Variants in DOCK2 observed in about 807,000 individuals in gnomAD.
DOCK2 encodes the protein dedicator of cytokinesis 2.
DOCK2 carries 87 observed loss-of-function variants against 248.9 expected under a neutral mutation model. The observed-to-expected ratio is 0.35, with a 90% CI of 0.29 to 0.42. DOCK2 has a LOEUF of 0.42. Ranked by LOEUF, DOCK2 falls within the 10% of genes least tolerant of loss-of-function variation. DOCK2 has a pLI of 1.00. For synonymous variants in DOCK2, 805 were observed against 821.6 expected (o/e 0.98, Z 0.35); for missense variants, 1,747 against 2,300.2 (o/e 0.76, Z 4.92).
At chr5:169,745,712 A>G (rs1763574090) in intron 22 of DOCK2, among the ~76,000 whole-genome samples, 1 of 152,200 alleles carries the variant, frequency 6.6e-6, no homozygotes, top group South Asian at 2.1e-4. Context: ...GAGTGATTTC[A>G]CAGGCATCCA....
intron 27 of DOCK2, among the ~76,000 whole-genome samples, chr5:169,943,419 CTT>C (rs1271726614): frequency 6.6e-6 from 1 of 152,020 alleles, no homozygotes; most frequent in Admixed American, 6.6e-5. Context: ...ATGGCCCAGA[CTT>C]TTAAAAAATG....
intron 22 of DOCK2, among the ~76,000 whole-genome samples, chr5:169,729,777 G>A (rs1287363882): frequency 6.6e-6 from 1 of 152,112 alleles, no homozygotes; most frequent in East Asian, 1.9e-4. Context: ...AGGGTGGGGG[G>A]TAGCAGAGTG....
chr5:169,869,930 G>A (rs1771846338), intron 27 of DOCK2, among the ~76,000 whole-genome samples: 1 of 152,210 alleles, frequency 6.6e-6, no homozygotes, highest in East Asian at 1.9e-4. Flanking sequence ...TAAGAAGGAA[G>A]ATAGGTGCAG....
intron 27 of DOCK2, among the ~76,000 whole-genome samples, chr5:169,961,720 G>T (rs989592709): frequency 2.0e-5 from 3 of 152,086 alleles, no homozygotes; most frequent in Non-Finnish European, 2.9e-5. Context: ...GCTCACGCCC[G>T]TAATCCCAGC....
In DOCK2 at chr5:169,840,728, T is replaced by C. The variant is rs1405754721; in HGVS notation, c.2704-29T>C. ...TTGTTCAGATGCAGTGTCCTGGTTG[T>C]CACATAGATGTCTCTGACTGTTTTA... is the stretch of plus-strand genomic sequence containing the variant. On this transcript the variant is annotated intron_variant, in intron 26 of 51. Transcript: ENST00000520908. 1.9e-6 allele frequency: 3 copies of C among 1,607,134 alleles called. 1 individual carries two copies. The highest frequency in any genetic ancestry group is 2.2e-5 in the South Asian group (2 of 90,698).
In DOCK2 at chr5:169,802,976, A is replaced by G. The variant is rs1361585446; in HGVS notation, c.2555-82A>G. The G allele has an allele frequency of 5.4e-6, 8 of 1,476,054 alleles. No homozygotes were observed. In the African/African-American group the frequency reaches 1.1e-4, roughly 21 times the overall value. The allele number at this position is 1,476,054 out of a possible 1,614,324, so 91.4% of individuals were successfully genotyped here. On this transcript the variant is annotated intron_variant, in intron 25 of 51. Transcript: ENST00000520908. ...AATGTCTTCATGAACTATTTATTTA[A>G]TGAAACATTGTATGCATATATGAAA...
intron 27 of DOCK2, among the ~76,000 whole-genome samples, chr5:169,913,948 A>G (rs1459234956): frequency 6.6e-6 from 1 of 152,238 alleles, no homozygotes; most frequent in Non-Finnish European, 1.5e-5. Flanking sequence ...CCATTTCTAC[A>G]GATGAAGAAA....
At chr5:169,888,093 G>A (rs1359062001) in intron 27 of DOCK2, among the ~76,000 whole-genome samples, 4 of 152,306 alleles carry the variant, frequency 2.6e-5, no homozygotes, top group East Asian at 1.9e-4. Context: ...GGAAACTCTC[G>A]TATTTTTAGA....
intron 23 of DOCK2, among the ~76,000 whole-genome samples, chr5:169,748,870 C>T (rs1420402403): frequency 1.3e-5 from 2 of 152,192 alleles, no homozygotes; most frequent in African/African-American, 2.4e-5. Flanking sequence ...TACTTTATTT[C>T]ACCCTCTCAA....
At position 170,027,915 on chromosome 5, in the gene DOCK2, G is replaced by A; in HGVS notation, c.3434G>A (p.Gly1145Asp). The A allele has an allele frequency of 6.2e-7, 1 of 1,613,628 alleles. No individual in the cohort carries two copies. The highest frequency in any genetic ancestry group is 8.5e-7 in the Non-Finnish European group (1 of 1,179,650). Reference sequence around the variant, plus strand: ...GACCACGAGGTAGAAGGGGGCCGAGGCGACGAGCAGTACATGCAGCTCCTG... The same window carrying A: ...GACCACGAGGTAGAAGGGGGCCGAGACGACGAGCAGTACATGCAGCTCCTG... ...KLDHEVEGGRGDEQYMQLLES... is the reference protein window; with the variant it reads ...KLDHEVEGGRDDEQYMQLLES... Residue 1145 changes from glycine (G) to aspartate (D), a missense_variant, in exon 34 of 52, where the codon GGC becomes GAC. Coordinates refer to ENST00000520908, the MANE Select transcript of DOCK2 (RefSeq NM_004946.3).
chr5:169,746,324 G>A (rs1186222169), intron 22 of DOCK2, among the ~76,000 whole-genome samples: 1 of 152,188 alleles, frequency 6.6e-6, no homozygotes, highest in African/African-American at 2.4e-5. Context: ...AGAAGGGTGA[G>A]GGGAAGGATG....
chr5:169,640,654 G>A (rs1018141500), intron 1 of DOCK2, among the ~76,000 whole-genome samples: 6 of 152,170 alleles, frequency 3.9e-5, no homozygotes, highest in African/African-American at 1.2e-4. Flanking sequence ...AATATATGGG[G>A]AATCTAATGG....
chr5:169,995,739 G>A (rs578171048), intron 29 of DOCK2, among the ~76,000 whole-genome samples: 67 of 152,328 alleles, frequency 4.4e-4, no homozygotes, highest in African/African-American at 1.6e-3. Flanking sequence ...GTGATACGAT[G>A]TGGTAGCAGG....
chr5:169,838,206 C>T (rs571977688), intron 26 of DOCK2, among the ~76,000 whole-genome samples: 4 of 152,282 alleles, frequency 2.6e-5, no homozygotes, highest in South Asian at 4.1e-4. Flanking sequence ...TGAAACCCCC[C>T]AAGCAGCCAC....
intron 25 of DOCK2, among the ~76,000 whole-genome samples, chr5:169,770,427 T>G (rs1765021843): frequency 6.6e-6 from 1 of 151,826 alleles, no homozygotes; most frequent in African/African-American, 2.4e-5. Flanking sequence ...TCTGAGTAGT[T>G]AGGACTACAG....
chr5:169,936,850 C>T (rs1272417811), intron 27 of DOCK2, among the ~76,000 whole-genome samples: 1 of 152,256 alleles, frequency 6.6e-6, no homozygotes, highest in Non-Finnish European at 1.5e-5. Context: ...ACAATTTTGT[C>T]TCTTGTGATA....
At chr5:169,878,848 G>A (rs1002804710) in intron 27 of DOCK2, among the ~76,000 whole-genome samples, 14 of 152,190 alleles carry the variant, frequency 9.2e-5, no homozygotes, top group African/African-American at 3.4e-4. Context: ...GGAGTCTACA[G>A]TAGTCAAAAC....
intron 15 of DOCK2, among the ~76,000 whole-genome samples, chr5:169,708,902 C>G (rs1229147536): frequency 6.6e-6 from 1 of 152,190 alleles, no homozygotes; most frequent in Non-Finnish European, 1.5e-5. Flanking sequence ...CAAGGCAGTT[C>G]TGTGCATAGA....
At chr5:169,887,542 C>T (rs1044277456) in intron 27 of DOCK2, among the ~76,000 whole-genome samples, 2 of 152,314 alleles carry the variant, frequency 1.3e-5, no homozygotes, top group South Asian at 2.1e-4. Context: ...GAAAGTTACA[C>T]ATTATGGTGT....
Sources: gnomAD v4.1 joint callset for allele counts (sites outside exome capture counted in the v4.1 genomes callset) on GRCh38, gnomAD v4.1.1 for gene constraint, MANE v1.5 for transcripts, NCBI Gene and HGNC (gene_info 2026-07-23, HGNC 2026-07-21) for gene names.